ZNF385D: variants seen among roughly 807,000 people sequenced by gnomAD.
ZNF385D encodes the protein zinc finger protein 659.
A neutral mutation model predicts 35.8 loss-of-function variants in ZNF385D; 15 were observed. The ratio of observed to expected loss-of-function variants is 0.42; its 90% CI spans 0.28 to 0.64. The LOEUF is 0.64. Among genes scored for constraint, ZNF385D ranks in the 30% least tolerant of loss-of-function variants. ZNF385D has a pLI of 0.23. For missense variants in ZNF385D, 474 were observed against 494.6 expected (o/e 0.96, Z 0.39); for synonymous variants, 212 against 186.8 (o/e 1.13, Z -1.10).
chr3:22,365,591 GTC>G lies in ZNF385D; in HGVS notation c.106+6857_106+6858del, dbSNP rs895546083. 9.2e-5 allele frequency among the ~76,000 whole-genome samples: 14 copies of G among 152,154 alleles called. 1 individual carries two copies. The highest frequency in any genetic ancestry group is 8.5e-4 in the Admixed American group (13 of 15,278). ...GTATGAAACAAAGGAAAACATCTCT[GTC>G]TGTTCAATTTAACACACCACCAAAA... On this transcript the variant is annotated intron_variant, in intron 2 of 5. Coordinates refer to the ZNF385D transcript ENST00000494108.
intron 2 of ZNF385D, among the ~76,000 whole-genome samples, chr3:22,213,062 T>A (rs1240952628): frequency 6.6e-6 from 1 of 152,080 alleles, no homozygotes; most frequent in Non-Finnish European, 1.5e-5. Context: ...TGGAAGTTTA[T>A]AAGTCACATT....
intron 3 of ZNF385D, among the ~76,000 whole-genome samples, chr3:22,072,573 T>A (rs1281965789): frequency 6.6e-6 from 1 of 151,886 alleles, no homozygotes; most frequent in Non-Finnish European, 1.5e-5. Flanking sequence ...GGAAGGAAAA[T>A]GATTTTCAAA....
intron 2 of ZNF385D, among the ~76,000 whole-genome samples, chr3:22,186,623 G>C (rs551347343): frequency 6.7e-6 from 1 of 149,284 alleles, no homozygotes; most frequent in African/African-American, 2.4e-5. Flanking sequence ...GTATACAAGG[G>C]GCAAATGAGC....
chr3:22,023,821 C>T (rs889037248), intron 3 of ZNF385D, among the ~76,000 whole-genome samples: 1 of 151,928 alleles, frequency 6.6e-6, no homozygotes, highest in Non-Finnish European at 1.5e-5. Flanking sequence ...TGGAAGAGTG[C>T]CCTGTACCTG....
intron 2 of ZNF385D, among the ~76,000 whole-genome samples, chr3:22,268,225 G>C (rs1451146840): frequency 1.3e-5 from 2 of 151,720 alleles, no homozygotes; most frequent in South Asian, 2.1e-4. Flanking sequence ...TGTCATTAGG[G>C]GCACACAGCA....
At chr3:21,684,396 CTCTCTCTCCTCTCT>C (rs1292344608) in intron 1 of ZNF385D, among the ~76,000 whole-genome samples, 14 of 83,350 alleles carry the variant, frequency 1.7e-4, no homozygotes, top group African/African-American at 7.3e-4. Context: ...CTCTCTCTCT[CTCTCTCTCCTCTCT>C]CTCTCTCTCT....
intron 1 of ZNF385D, among the ~76,000 whole-genome samples, chr3:21,699,082 C>G (rs1193941337): frequency 4.6e-5 from 7 of 152,190 alleles, no homozygotes; most frequent in Admixed American, 1.3e-4. Flanking sequence ...AGACTTGGAA[C>G]CAACCCAAAT....
At chr3:21,432,143 G>A (rs1380829784) in intron 5 of ZNF385D, among the ~76,000 whole-genome samples, 1 of 152,020 alleles carries the variant, frequency 6.6e-6, no homozygotes, top group African/African-American at 2.4e-5. Context: ...AGGTTTCTTT[G>A]TGCTTCAATG....
intron 3 of ZNF385D, among the ~76,000 whole-genome samples, chr3:21,756,858 T>C (rs370524126): frequency 1.3e-4 from 20 of 152,272 alleles, no homozygotes; most frequent in African/African-American, 4.8e-4. Context: ...CGGAAACAAA[T>C]ACCTAATTCA....
chr3:22,288,799 T>C (rs1195259256), intron 2 of ZNF385D, among the ~76,000 whole-genome samples: 1 of 152,146 alleles, frequency 6.6e-6, no homozygotes, highest in Non-Finnish European at 1.5e-5. Context: ...CAGTGTTGGT[T>C]TCTGTTTATT....
intron 3 of ZNF385D, among the ~76,000 whole-genome samples, chr3:22,119,777 G>C (rs1245124440): frequency 6.6e-6 from 1 of 152,032 alleles, no homozygotes; most frequent in African/African-American, 2.4e-5. Context: ...AACTGTTTTA[G>C]GAGATATCTG....
Position 21,670,898 on chromosome 3 carries a change from T to C in ZNF385D, c.23-5870A>G, listed in dbSNP as rs529612442. 5.7e-4 allele frequency among the ~76,000 whole-genome samples: 87 copies of C among 151,932 alleles called. No individual in the cohort carries two copies. In the South Asian group the frequency reaches 0.018, roughly 31 times the overall value. ...TTCCACAAAAAAAATGGACCAGCAT[T>C]CCTTGTGGGTAAGAGACCACCGATG... On this transcript the variant is annotated intron_variant, in intron 1 of 7. Coordinates refer to ENST00000281523, the MANE Select transcript of ZNF385D (RefSeq NM_024697.3).
At chr3:22,250,185 T>C (rs2125327483) in intron 2 of ZNF385D, among the ~76,000 whole-genome samples, 1 of 152,230 alleles carries the variant, frequency 6.6e-6, no homozygotes, top group South Asian at 2.1e-4. Context: ...TGCTATTCAA[T>C]CATATAAGAT....
intron 3 of ZNF385D, among the ~76,000 whole-genome samples, chr3:22,154,557 C>G (rs1378974224): frequency 2.0e-5 from 3 of 152,148 alleles, no homozygotes; most frequent in African/African-American, 4.8e-5. Flanking sequence ...ATTCACCATA[C>G]AAAGTGGAAT....
At chr3:22,135,599 A>G (rs1347558009) in intron 3 of ZNF385D, among the ~76,000 whole-genome samples, 1 of 152,212 alleles carries the variant, frequency 6.6e-6, no homozygotes, top group African/African-American at 2.4e-5. Context: ...AAATCCCAGT[A>G]AAATCTTTGT....
chr3:21,621,004 A>G (rs1422685353), intron 2 of ZNF385D, among the ~76,000 whole-genome samples: 2 of 151,942 alleles, frequency 1.3e-5, no homozygotes, highest in Non-Finnish European at 2.9e-5. Context: ...GTGCGCACAC[A>G]CACACACACA....
chr3:21,987,297 T>C (rs1182469433), intron 3 of ZNF385D, among the ~76,000 whole-genome samples: 221 of 136,926 alleles, frequency 1.6e-3, no homozygotes, highest in Non-Finnish European at 2.0e-3. Context: ...GATTTTGCAG[T>C]GGCTGGTACC....
chr3:21,867,053 G>C (rs1287056825), intron 3 of ZNF385D, among the ~76,000 whole-genome samples: 1 of 152,108 alleles, frequency 6.6e-6, no homozygotes, highest in African/African-American at 2.4e-5. Context: ...GAAGTCTGGA[G>C]GCTGAAAAGT....
intron 3 of ZNF385D, among the ~76,000 whole-genome samples, chr3:22,050,532 CTGT>C (rs1395983880): frequency 3.3e-5 from 5 of 152,094 alleles, no homozygotes; most frequent in Admixed American, 3.3e-4. Context: ...CTTTATTGGT[CTGT>C]TAAGATTTTC....
Sources: gnomAD v4.1 joint callset for allele counts (sites outside exome capture counted in the v4.1 genomes callset) on GRCh38, gnomAD v4.1.1 for gene constraint, MANE v1.5 for transcripts, NCBI Gene and HGNC (gene_info 2026-07-23, HGNC 2026-07-21) for gene names.